ZNF479: variants seen among roughly 807,000 people sequenced by gnomAD.
ZNF479 encodes the protein zinc finger protein 479.
ZNF479 carries 15 observed loss-of-function variants against 14.7 expected under a neutral mutation model. The ratio of observed to expected loss-of-function variants is 1.02; its 90% CI spans 0.68 to 1.57. The LOEUF is 1.57. Among genes scored for constraint, ZNF479 ranks in the 40% most tolerant of loss-of-function variants. The probability of loss-of-function intolerance (pLI) is 0.00; values close to 1 mark genes in which losing one functional copy is unlikely to be tolerated. For missense variants in ZNF479, 506 were observed against 615.1 expected (o/e 0.82, Z 1.88); for synonymous variants, 145 against 211.5 (o/e 0.69, Z 2.73).
At chr7:57,127,928 T>TAC (rs1786244905) in intron 1 of ZNF479, among the ~76,000 whole-genome samples, 1 of 77,040 alleles carries the variant, frequency 1.3e-5, no homozygotes, top group African/African-American at 5.7e-5. Context: ...TTTTATTATA[T>TAC]ATATATATAT....
rs1785877920 is a variant in ZNF479, at chr7:57,120,537, C to T, written c.878G>A (p.Gly293Glu). The T allele has an allele frequency of 6.2e-7, 1 of 1,613,722 alleles. No individual in the cohort carries two copies. Among genetic ancestry groups the T allele is most frequent in the Non-Finnish European group, 8.5e-7 (1 of 1,179,922 alleles). The change falls in exon 4 of 4, where the codon GGA becomes GAA. Residue 293 changes from glycine (G) to glutamate (E), a missense_variant. Physicochemically the swap from Gly to Glu is moderately conservative, Grantham distance 98. Transcript: ENST00000319636. Reference sequence around the variant, plus strand: ...TTCTTCACATTTGTAGGGTCTCTCTCCAGTATGAATTCTCTTGTGGTTAGT... The same window carrying T: ...TTCTTCACATTTGTAGGGTCTCTCTTCAGTATGAATTCTCTTGTGGTTAGT... ...ALTNHKRIHT[G>E]ERPYKCEECG...
chr7:57,128,781 T>G (rs1236738560), intron 1 of ZNF479, among the ~76,000 whole-genome samples: 1 of 152,142 alleles, frequency 6.6e-6, no homozygotes, highest in East Asian at 1.9e-4. Flanking sequence ...AAGTAAAAAT[T>G]TGCAAGATCT....
chr7:57,135,483 G>C (rs373197141), upstream of ZNF479, among the ~76,000 whole-genome samples: 31 of 152,178 alleles, frequency 2.0e-4, no homozygotes, highest in East Asian at 4.9e-3. Context: ...TGAGATCTTG[G>C]CTCACTGCAA....
chr7:57,133,771 C>G (rs974522995), upstream of ZNF479, among the ~76,000 whole-genome samples: 7 of 151,988 alleles, frequency 4.6e-5, no homozygotes, highest in African/African-American at 1.7e-4. Context: ...GAGGCTGAGA[C>G]AGGAGAATTG....
intron 3 of ZNF479, among the ~76,000 whole-genome samples, chr7:57,121,853 T>A (rs1445577433): frequency 6.6e-6 from 1 of 152,072 alleles, no homozygotes; most frequent in Non-Finnish European, 1.5e-5. Context: ...AAAACAAAGA[T>A]GTAGATCTTG....
intron 1 of ZNF479, among the ~76,000 whole-genome samples, chr7:57,139,337 G>A (rs919977923): frequency 3.3e-5 from 5 of 152,318 alleles, no homozygotes; most frequent in Admixed American, 6.5e-5. Flanking sequence ...GCAGCCCTGT[G>A]AGGCTGTGGC....
At chr7:57,136,345 C>T (rs1231179409), upstream of ZNF479, among the ~76,000 whole-genome samples, 2 of 151,800 alleles carry the variant, frequency 1.3e-5, no homozygotes, top group Non-Finnish European at 2.9e-5. Flanking sequence ...GTTCACGCTA[C>T]TGCACTCCAG....
At chr7:57,133,274 C>A (rs978934441), upstream of ZNF479, among the ~76,000 whole-genome samples, 4 of 152,116 alleles carry the variant, frequency 2.6e-5, no homozygotes, top group Non-Finnish European at 4.4e-5. Flanking sequence ...AAAAATGTGG[C>A]ACGTCCTCCC....
chr7:57,117,908 A>G lies in ZNF479; in HGVS notation c.*1932T>C, dbSNP rs1293226618. 2.4e-3 allele frequency among the ~76,000 whole-genome samples: 360 copies of G among 151,486 alleles called. No homozygotes were observed. In the East Asian group the frequency reaches 0.063, roughly 27 times the overall value. On this transcript the variant is annotated 3_prime_UTR_variant, in exon 4 of 4. Transcript: ENST00000319636. ...GTAATTATGAATCTCGAAAAAAACTACTTCTTTAACATGTATATGGTGTTA... is the reference window on the plus strand; with the variant it reads ...GTAATTATGAATCTCGAAAAAAACTGCTTCTTTAACATGTATATGGTGTTA...
intron 1 of ZNF479, among the ~76,000 whole-genome samples, chr7:57,129,843 G>A (rs1381371350): frequency 6.6e-6 from 1 of 152,094 alleles, no homozygotes; most frequent in Non-Finnish European, 1.5e-5. Context: ...AAAAACATGT[G>A]AAAGGATGCA....
rs544162124 is a variant in ZNF479 at position 57,139,358 on chromosome 7, G to A, written c.-15+250C>T. Among the ~76,000 whole-genome samples the A allele has an allele frequency of 1.4e-4, 22 of 152,264 alleles. 2 individuals are homozygous for A. The highest frequency in any genetic ancestry group is 5.1e-4 in the African/African-American group (21 of 41,560). ...CTGTGAGGCTGTGGCTCTGCTACTG[G>A]GACACTGTAAGTGGGGTTCAGGCTC... is the stretch of plus-strand genomic sequence containing the variant. On this transcript the variant is annotated intron_variant, in intron 1 of 4. Transcript: ENST00000331162.
At position 57,119,394 on chromosome 7, in the gene ZNF479, G is replaced by A. The variant is rs1785804104; in HGVS notation, c.*446C>T. Among the ~76,000 whole-genome samples, 1 of 139,130 alleles carries A rather than the reference G, an allele frequency of 7.2e-6. No individual in the cohort carries two copies. The highest frequency in any genetic ancestry group is 7.3e-5 in the Admixed American group (1 of 13,702). 91.3% of individuals were successfully genotyped at this position (139,130 alleles called of 152,430 possible). ...AGGCTGACAAAGGTGGATCACCTGA[G>A]GTCAGGAGTTCAAGACCATCCTGGC... is the stretch of plus-strand genomic sequence containing the variant. On this transcript the variant is annotated 3_prime_UTR_variant, in exon 4 of 4. Transcript: ENST00000319636.
chr7:57,124,878 C>T (rs1480340510), intron 3 of ZNF479, among the ~76,000 whole-genome samples: 6 of 152,076 alleles, frequency 3.9e-5, no homozygotes, highest in African/African-American at 1.4e-4. Flanking sequence ...AATTCAAGAC[C>T]AGCCTGACCA....
At chr7:57,132,546 C>T (rs1786483236), upstream of ZNF479, among the ~76,000 whole-genome samples, 1 of 152,120 alleles carries the variant, frequency 6.6e-6, no homozygotes, top group East Asian at 1.9e-4. Context: ...ACCCTTCATG[C>T]CCTGAGTGAG....
upstream of ZNF479, among the ~76,000 whole-genome samples, chr7:57,135,691 G>C (rs1562853480): frequency 6.6e-6 from 1 of 152,178 alleles, no homozygotes; most frequent in Non-Finnish European, 1.5e-5. Context: ...GGGATTACAG[G>C]CATGAGCCAC....
chr7:57,135,983 C>G (rs1334573298), upstream of ZNF479, among the ~76,000 whole-genome samples: 1 of 80,316 alleles, frequency 1.2e-5, no homozygotes, highest in Non-Finnish European at 3.3e-5. Context: ...ATCTCTCTCT[C>G]TCTCTCTCTC....
At chr7:57,134,665 C>CTTT (rs71053216), upstream of ZNF479, among the ~76,000 whole-genome samples, 105 of 106,494 alleles carry the variant, frequency 9.9e-4, no homozygotes, top group South Asian at 1.1e-3. Context: ...TTTCTTCTAT[C>CTTT]TTTTTTTTTT....
intron 1 of ZNF479, among the ~76,000 whole-genome samples, chr7:57,127,753 C>A (rs1786234449): frequency 6.6e-6 from 1 of 152,044 alleles, no homozygotes; most frequent in Admixed American, 6.6e-5. Flanking sequence ...TAAGAATTAA[C>A]TCTAGAGTGG....
At position 57,126,680 on chromosome 7, in the gene ZNF479, A is replaced by G; in HGVS notation, c.78T>C (p.Ser26=). ...LTFRDIAIEF[S]LEEWQCLDCA... is the part of the protein sequence containing the mutation. ...AATCCAGGCATTGCCATTCCTCCAG[A>G]GAGAATTCTATAGCTATGTCTCTGA... The change falls in exon 2 of 4, where the codon TCT becomes TCC. Residue 26 remains serine (S), a synonymous_variant. Coordinates refer to ENST00000319636, the MANE Select transcript of ZNF479 (RefSeq NM_001370129.2). The G allele has an allele frequency of 1.2e-6, 2 of 1,613,844 alleles. No individual in the cohort carries two copies. Among genetic ancestry groups the G allele is most frequent in the Non-Finnish European group, 1.7e-6 (2 of 1,179,810 alleles).
Sources: gnomAD v4.1 joint callset for allele counts (sites outside exome capture counted in the v4.1 genomes callset) on GRCh38, gnomAD v4.1.1 for gene constraint, MANE v1.5 for transcripts, NCBI Gene and HGNC (gene_info 2026-07-23, HGNC 2026-07-21) for gene names.